Variants in EEPD1 observed in about 807,000 individuals in gnomAD.
EEPD1 encodes endonuclease/exonuclease/phosphatase family domain containing 1.
EEPD1 carries 17 observed loss-of-function variants against 46.3 expected under a neutral mutation model. That is an observed-to-expected ratio of 0.37 (90% CI 0.25 to 0.55). EEPD1 has a LOEUF of 0.55. EEPD1 is among the 20% of genes least tolerant of loss of function. The probability of loss-of-function intolerance (pLI) is 0.83; values close to 1 mark genes in which losing one functional copy is unlikely to be tolerated. For missense variants in EEPD1, 673 were observed against 745.6 expected, an observed-to-expected ratio of 0.90 and a Z score of 1.13; for synonymous variants, 313 against 315.6, an observed-to-expected ratio of 0.99 and a Z score of 0.09.
chr7:36,288,355 A>G (rs1003223555), intron 6 of EEPD1, among the ~76,000 whole-genome samples: 1 of 152,178 alleles, frequency 6.6e-6, no homozygotes, highest in Admixed American at 6.5e-5. Context: ...ATCTCATAGC[A>G]GTACCCAGAG....
rs1213405518 is a variant in EEPD1, at chr7:36,172,050, T to C, written c.878+16848T>C. ...ATATAAATAATACTTGGGCCCTTTTTCTCTGTCTTGTCAGTGTATTTCACT... is the reference window on the plus strand; with the variant it reads ...ATATAAATAATACTTGGGCCCTTTTCCTCTGTCTTGTCAGTGTATTTCACT... On this transcript the variant is annotated intron_variant, in intron 2 of 7. Transcript: ENST00000242108. 2.6e-5 allele frequency among the ~76,000 whole-genome samples: 4 copies of C among 152,250 alleles called. 1 individual carries two copies. The highest frequency in any genetic ancestry group is 2.6e-4 in the Admixed American group (4 of 15,294).
intron 2 of EEPD1, among the ~76,000 whole-genome samples, chr7:36,156,954 C>T (rs1233560946): frequency 6.6e-6 from 1 of 150,752 alleles, no homozygotes; most frequent in African/African-American, 2.5e-5. Context: ...ATGGATTCAA[C>T]CAACTGTAGA....
At chr7:36,210,441 G>A (rs899820892) in intron 2 of EEPD1, among the ~76,000 whole-genome samples, 4 of 152,202 alleles carry the variant, frequency 2.6e-5, no homozygotes, top group African/African-American at 4.8e-5. Flanking sequence ...GCTGAAAATA[G>A]CGAGAGGATT....
chr7:36,248,588 T>C (rs902744756), intron 3 of EEPD1, among the ~76,000 whole-genome samples: 1 of 151,422 alleles, frequency 6.6e-6, no homozygotes, highest in Admixed American at 6.6e-5. Flanking sequence ...TTCAGATCCC[T>C]TATTTATTTT....
chr7:36,294,085 T>A (rs1432093510), intron 6 of EEPD1, among the ~76,000 whole-genome samples: 2 of 152,124 alleles, frequency 1.3e-5, no homozygotes, highest in East Asian at 3.8e-4. Flanking sequence ...AAAATAACTA[T>A]GTAAGTATAC....
intron 3 of EEPD1, among the ~76,000 whole-genome samples, chr7:36,272,372 C>T (rs1254771181): frequency 6.6e-6 from 1 of 152,104 alleles, no homozygotes; most frequent in African/African-American, 2.4e-5. Context: ...GTGCAGAGTC[C>T]CTAAGGAGTG....
intron 6 of EEPD1, among the ~76,000 whole-genome samples, chr7:36,296,784 C>T (rs1787532016): frequency 6.9e-6 from 1 of 144,652 alleles, no homozygotes; most frequent in East Asian, 2.1e-4. Flanking sequence ...CCCTGATTTC[C>T]AAACGTGTTG....
intron 3 of EEPD1, among the ~76,000 whole-genome samples, chr7:36,278,866 G>T (rs550258461): frequency 6.6e-6 from 1 of 152,038 alleles, no homozygotes; most frequent in Non-Finnish European, 1.5e-5. Context: ...CACCCTCTCC[G>T]CCTTCCCCAC....
Position 36,299,616 on chromosome 7 carries a change from G to A in EEPD1, c.*410G>A, listed in dbSNP as rs1408313974. The A allele has an allele frequency of 9.1e-5, 19 of 209,882 alleles. No homozygotes were observed. In the Admixed American group the frequency reaches 1.0e-3, roughly 11 times the overall value. 13.0% of individuals were successfully genotyped at this position (209,882 alleles called of 1,614,324 possible). On this transcript the variant is annotated 3_prime_UTR_variant, in exon 8 of 8. Transcript: ENST00000242108. ...TCATTTCTGACCACCAGGCTATGAC[G>A]TTCCTGCTGCGCATTACAGAAAGCT...
At chr7:36,214,710 T>C (rs982050070) in intron 2 of EEPD1, among the ~76,000 whole-genome samples, 1 of 152,182 alleles carries the variant, frequency 6.6e-6, no homozygotes, top group African/African-American at 2.4e-5. Context: ...TTTATCTTAC[T>C]CCAGAAATAC....
chr7:36,250,999 T>C (rs1786729900), intron 3 of EEPD1, among the ~76,000 whole-genome samples: 1 of 152,208 alleles, frequency 6.6e-6, no homozygotes, highest in Non-Finnish European at 1.5e-5. Flanking sequence ...AGGGGGGCCA[T>C]TTATGTGGTT....
chr7:36,165,204 C>T (rs1784962922), intron 2 of EEPD1, among the ~76,000 whole-genome samples: 1 of 152,168 alleles, frequency 6.6e-6, no homozygotes. Context: ...GTGCCCTACA[C>T]AGTTGTACCA....
intron 2 of EEPD1, among the ~76,000 whole-genome samples, chr7:36,214,215 G>A (rs1484056485): frequency 2.0e-5 from 3 of 152,196 alleles, no homozygotes; most frequent in Admixed American, 6.5e-5. Flanking sequence ...AGCCGTAGAA[G>A]CTCTTCAGAG....
At chr7:36,220,832 C>G (rs1427260503) in intron 2 of EEPD1, among the ~76,000 whole-genome samples, 2 of 152,166 alleles carry the variant, frequency 1.3e-5, no homozygotes, top group Non-Finnish European at 2.9e-5. Flanking sequence ...TGGAGTCTCG[C>G]TCTGGTGCCC....
chr7:36,181,737 A>C (rs1583792190), intron 2 of EEPD1, among the ~76,000 whole-genome samples: 1 of 152,226 alleles, frequency 6.6e-6, no homozygotes, highest in African/African-American at 2.4e-5. Context: ...ATCACGGAGC[A>C]GTGGGTTGTA....
intron 3 of EEPD1, among the ~76,000 whole-genome samples, chr7:36,267,674 G>C (rs528474729): frequency 6.6e-5 from 10 of 152,262 alleles, no homozygotes; most frequent in Non-Finnish European, 1.3e-4. Flanking sequence ...TTACTTGTAA[G>C]ACTGTAAGCT....
At chr7:36,294,640 T>G (rs1267714705) in intron 6 of EEPD1, among the ~76,000 whole-genome samples, 3 of 152,188 alleles carry the variant, frequency 2.0e-5, no homozygotes, top group African/African-American at 4.8e-5. Context: ...TTTTTAACTT[T>G]TGTGTGCTTC....
intron 2 of EEPD1, among the ~76,000 whole-genome samples, chr7:36,208,231 G>A (rs963492677): frequency 7.2e-5 from 11 of 152,182 alleles, no homozygotes; most frequent in African/African-American, 2.7e-4. Context: ...GGCTTACTGG[G>A]GCCAGAGGCA....
At chr7:36,273,160 ACT>A (rs1491391170) in intron 3 of EEPD1, among the ~76,000 whole-genome samples, 1 of 141,944 alleles carries the variant, frequency 7.0e-6, no homozygotes, top group Non-Finnish European at 1.6e-5. Context: ...ACACACACAC[ACT>A]CACGGGTCGA....
Sources: allele counts gnomAD v4.1 joint callset (sites outside exome capture counted in the v4.1 genomes callset), GRCh38; gene constraint gnomAD v4.1.1; transcripts MANE v1.5; gene names NCBI Gene and HGNC (gene_info 2026-07-23, HGNC 2026-07-21).